The following MPND variants were observed in gnomAD, a reference collection of about 807,000 sequenced individuals.
The protein encoded by MPND is MPN domain-containing protein.
MPND carries 56 observed loss-of-function variants against 59.2 expected under a neutral mutation model. That is an observed-to-expected ratio of 0.95 (90% confidence interval 0.76 to 1.18). The LOEUF (loss-of-function observed/expected upper bound fraction) is 1.18. Ranked by LOEUF, MPND falls within the 50% of genes most tolerant of loss-of-function variation. The pLI is 0.00. For missense variants in MPND, 671 were observed against 676.0 expected, an observed-to-expected ratio of 0.99 and a Z score of 0.08; for synonymous variants, 323 against 291.9, an observed-to-expected ratio of 1.11 and a Z score of -1.09.
At chr19:4,353,097 A>G in intron 4 of MPND, 68 bp downstream of exon 4, 1 of 1,249,726 alleles carries the variant, frequency 8.0e-7, no homozygotes. Flanking sequence ...GAGACTGGGG[A>G]GAGGTTGGGC....
Position 4,358,251 on chromosome 19 carries a change from G to T in MPND, c.1326+79G>T, listed in dbSNP as rs531312978. The T allele has an allele frequency of 6.9e-6, 9 of 1,298,612 alleles. No individual in the cohort carries two copies. The East Asian group carries it at 1.8e-4, about 26-fold the overall frequency. The allele number at this position is 1,298,612 out of a possible 1,614,324, so 80.4% of individuals were successfully genotyped here. A position where few individuals can be genotyped will look rare whatever the true frequency, so the allele number is the denominator to read the frequency against. On this transcript the variant is annotated intron_variant, in intron 11 of 12. Coordinates refer to ENST00000599840, the MANE Select transcript of MPND (RefSeq NM_001300862.2). ...ACGATGCGTTGGTCTGCTTCCCACCGGTGGGCTTGGGAAGCTATGGCTGGT... is the reference window on the plus strand; with the variant it reads ...ACGATGCGTTGGTCTGCTTCCCACCTGTGGGCTTGGGAAGCTATGGCTGGT...
intron 11 of MPND, 125 bp from the exon 12 acceptor site, chr19:4,359,038 T>G: frequency 6.3e-5 from 39 of 618,438 alleles, no homozygotes; most frequent in Middle Eastern, 3.2e-4. Flanking sequence ...CGTGATCTCT[T>G]TGTGGTTGGT....
chr19:4,344,250 A>C (rs1001944905), intron 2 of MPND, among the ~76,000 whole-genome samples: 2 of 146,472 alleles, frequency 1.4e-5, no homozygotes, highest in African/African-American at 5.1e-5. Flanking sequence ...GAGCCCCGAC[A>C]TGAAGAGGGG....
chr19:4,355,876 A>G, intron 8 of MPND, among the ~76,000 whole-genome samples: 1 of 141,740 alleles, frequency 7.1e-6, no homozygotes. Flanking sequence ...TTTTTTCTTG[A>G]GACATTCTCG....
chr19:4,358,905 TG>T (rs1444931584), intron 11 of MPND, among the ~76,000 whole-genome samples: 1 of 152,112 alleles, frequency 6.6e-6, no homozygotes. Context: ...TCTGGAGAAC[TG>T]GGCTCGGTGA....
At chr19:4,351,726 G>A (rs1972321382) in intron 3 of MPND, among the ~76,000 whole-genome samples, 1 of 151,984 alleles carries the variant, frequency 6.6e-6, no homozygotes, top group Non-Finnish European at 1.5e-5. Flanking sequence ...GCTGGGCGTG[G>A]TGGCACATGC....
At chr19:4,355,571 G>A (rs1360297368) in intron 8 of MPND, among the ~76,000 whole-genome samples, 5 of 152,254 alleles carry the variant, frequency 3.3e-5, no homozygotes, top group Middle Eastern at 6.8e-3. Context: ...CCCTGACCTC[G>A]TGATCTGCCC....
rs1034797495 is a variant in MPND, at chr19:4,354,486, C to T, written c.846+66C>T. 44 of 1,297,522 alleles carry T rather than the reference C, an allele frequency of 3.4e-5. No homozygotes were observed. In the East Asian group the frequency reaches 8.5e-4, roughly 25 times the overall value. 80.4% of individuals were successfully genotyped at this position (1,297,522 alleles called of 1,614,324 possible). ...CCCAGTCGGTGGGCAGCGGGCGGGG[C>T]TCCCCTGCGTATCAGCTCCATGAGA... is the stretch of plus-strand genomic sequence containing the variant. On this transcript the variant is annotated intron_variant, in intron 6 of 12. Transcript: ENST00000599840.
intron 2 of MPND, among the ~76,000 whole-genome samples, chr19:4,345,508 G>A (rs1174684765): frequency 6.6e-6 from 1 of 152,210 alleles, no homozygotes; most frequent in Admixed American, 6.5e-5. Flanking sequence ...CGATCTTAGG[G>A]GTTTCTTGGT....
At chr19:4,356,101 G>C (rs984471121) in intron 8 of MPND, among the ~76,000 whole-genome samples, 3 of 128,712 alleles carry the variant, frequency 2.3e-5, no homozygotes, top group Admixed American at 7.6e-5. Context: ...ATCCACCCGC[G>C]TCAGCCTCCC....
chr19:4,352,917 GGAGGAGGAGTTGCTGATGGAA>G lies in MPND; in HGVS notation c.562_582del (p.Leu188_Glu194del). 1 of 1,396,180 alleles carries G rather than the reference GGAGGAGGAGTTGCTGATGGAA, an allele frequency of 7.2e-7. No individual in the cohort carries two copies. Among genetic ancestry groups the G allele is most frequent in the Non-Finnish European group, 9.4e-7 (1 of 1,066,042 alleles). 86.5% of individuals were successfully genotyped at this position (1,396,180 alleles called of 1,614,324 possible). A position where few individuals can be genotyped will look rare whatever the true frequency, so the allele number is the denominator to read the frequency against. On this transcript the variant is annotated inframe_deletion, in exon 4 of 13. Coordinates refer to ENST00000599840, the MANE Select transcript of MPND (RefSeq NM_001300862.2). ...TGCAGAGCCCAGCCAGTGAAGGGGA[GGAGGAGGAGTTGCTGATGGAA>G]GAGGAGGAGGAGGACGTTCTGGCAG...
In MPND at chr19:4,357,318, C is replaced by T; in HGVS notation, c.1062C>T (p.Ser354=). The change falls in exon 9 of 13, where the codon AGC becomes AGT. Residue 354 remains serine, a synonymous_variant. Coordinates refer to ENST00000599840, the MANE Select transcript of MPND (RefSeq NM_001300862.2). ...GCTGGTACCACAGCCACCCACACAGCCCGGCGCTGCCATCTCTGCAGGACA... is the reference window on the plus strand; with the variant it reads ...GCTGGTACCACAGCCACCCACACAGTCCGGCGCTGCCATCTCTGCAGGACA... ...LVGWYHSHPH[S]PALPSLQDID... 6.2e-7 allele frequency: 1 copy of T among 1,613,220 alleles called. No homozygotes were observed. The highest frequency in any genetic ancestry group is 1.1e-5 in the South Asian group (1 of 91,076).
In MPND at chr19:4,345,733, C is replaced by T; in HGVS notation, c.295-12C>T. The T allele has an allele frequency of 6.2e-7, 1 of 1,613,298 alleles. No homozygotes were observed. The highest frequency in any genetic ancestry group is 8.5e-7 in the Non-Finnish European group (1 of 1,179,538). ...GTTGGTCCTGGGCCCAGCCAGCTGA[C>T]TGTCACTGCAGGGGAAGAAGTTCCT... On this transcript the variant is annotated splice_polypyrimidine_tract_variant and intron_variant, in intron 2 of 12. Transcript: ENST00000599840.
intron 6 of MPND, 97 bp downstream of exon 6, chr19:4,354,517 G>C (rs75511514): frequency 2.0e-6 from 2 of 986,210 alleles, no homozygotes; most frequent in Non-Finnish European, 3.1e-6. Flanking sequence ...TGAGAGCTGG[G>C]GCCTTGTCTG....
intron 3 of MPND, among the ~76,000 whole-genome samples, chr19:4,350,770 G>A (rs1241005985): frequency 6.6e-6 from 1 of 152,166 alleles, no homozygotes; most frequent in African/African-American, 2.4e-5. Context: ...CCCTGAGTCT[G>A]GAGCCGGGCG....
In MPND at chr19:4,343,815, G is replaced by A. The variant is rs971792346; in HGVS notation, c.115G>A (p.Gly39Ser). 8.3e-6 allele frequency: 10 copies of A among 1,209,208 alleles called. No individual in the cohort carries two copies. The African/African-American group carries it at 1.4e-4, about 17-fold the overall frequency. 74.9% of individuals were successfully genotyped at this position (1,209,208 alleles called of 1,614,324 possible). ...TGAGCGGCCGAATGCGGGAGCGGGC[G>A]GTGGACGCAGTGGCGGCGGCGGCAG... ...DPERPNAGAGGGRSGGGGSSV... is the reference protein window; with the variant it reads ...DPERPNAGAGSGRSGGGGSSV... The change falls in exon 2 of 13, where the codon GGT (glycine) becomes AGT (serine). Residue 39 changes from glycine (G) to serine (S), a missense_variant. Gly to Ser is a moderately conservative substitution (Grantham distance 56). Coordinates refer to ENST00000599840, the MANE Select transcript of MPND (RefSeq NM_001300862.2).
At chr19:4,349,482 T>C (rs1387202700) in intron 3 of MPND, among the ~76,000 whole-genome samples, 1 of 150,096 alleles carries the variant, frequency 6.7e-6, no homozygotes, top group Non-Finnish European at 1.5e-5. Flanking sequence ...AACGGGAGGC[T>C]GCCGAGTCCT....
At chr19:4,359,398 G>A (rs547490030) in intron 12 of MPND, 143 bp downstream of exon 12, 18 of 622,200 alleles carry the variant, frequency 2.9e-5, no homozygotes, top group African/African-American at 1.1e-4. Flanking sequence ...TGGTCACCCC[G>A]TGGCCACCCC....
At position 4,354,819 on chromosome 19, in the gene MPND, G is replaced by A. The variant is rs1005578572; in HGVS notation, c.847-130G>A. On this transcript the variant is annotated intron_variant, in intron 6 of 12. Coordinates refer to ENST00000599840, the MANE Select transcript of MPND (RefSeq NM_001300862.2). Reference sequence around the variant, plus strand: ...GCGGAGGTTGCGGTGAGCCAAGATCGTGCCACTGCCCTCCAGCCTGGGCGA... The same window carrying A: ...GCGGAGGTTGCGGTGAGCCAAGATCATGCCACTGCCCTCCAGCCTGGGCGA... 1.9e-4 allele frequency: 176 copies of A among 905,700 alleles called. 2 individuals carry two copies. Among genetic ancestry groups the A allele is most frequent in the Middle Eastern group, 3.1e-4 (1 of 3,240 alleles). 56.1% of individuals were successfully genotyped at this position (905,700 alleles called of 1,614,324 possible). A position where few individuals can be genotyped will look rare whatever the true frequency, so the allele number is the denominator to read the frequency against.
Sources: allele counts gnomAD v4.1 joint callset (sites outside exome capture counted in the v4.1 genomes callset), GRCh38; gene constraint gnomAD v4.1.1; transcripts MANE v1.5; gene names NCBI Gene and HGNC (gene_info 2026-07-23, HGNC 2026-07-21).